ZNF644: variants seen among roughly 807,000 people sequenced by gnomAD.
The protein encoded by ZNF644 is zinc finger motif enhancer binding protein 2.
A neutral mutation model predicts 108.0 loss-of-function variants in ZNF644; 20 were observed. The observed-to-expected ratio is 0.19, with a 90% CI of 0.13 to 0.27. The LOEUF (loss-of-function observed/expected upper bound fraction) is 0.27. Among genes scored for constraint, ZNF644 ranks in the 10% least tolerant of loss-of-function variants. The probability of loss-of-function intolerance (pLI) is 1.00; values close to 1 mark genes in which losing one functional copy is unlikely to be tolerated. For missense variants in ZNF644, 1,338 were observed against 1,548.9 expected (o/e 0.86, Z 2.29); for synonymous variants, 542 against 539.1 (o/e 1.01, Z -0.08).
chr1:90,948,168 C>G (rs1652715401), intron 2 of ZNF644, among the ~76,000 whole-genome samples: 1 of 152,026 alleles, frequency 6.6e-6, no homozygotes, highest in Non-Finnish European at 1.5e-5. Context: ...AAAGAAATAA[C>G]AAAAGAATGG....
chr1:90,960,902 C>G (rs1485170879), intron 2 of ZNF644, among the ~76,000 whole-genome samples: 14 of 152,062 alleles, frequency 9.2e-5, no homozygotes, highest in Admixed American at 8.5e-4. Flanking sequence ...AAGAAAATAA[C>G]TGCCAACTCA....
intron 1 of ZNF644, among the ~76,000 whole-genome samples, chr1:90,996,476 G>A (rs1402063180): frequency 6.6e-6 from 1 of 152,120 alleles, no homozygotes; most frequent in Non-Finnish European, 1.5e-5. Context: ...CTCCCCCACA[G>A]TAGCTTTGAA....
At chr1:90,956,608 T>C (rs1316589115) in intron 2 of ZNF644, among the ~76,000 whole-genome samples, 1 of 147,342 alleles carries the variant, frequency 6.8e-6, no homozygotes, top group East Asian at 1.9e-4. Flanking sequence ...AAATTAGCCA[T>C]CTCACTTTAT....
At chr1:90,931,393 A>G (rs567179699) in intron 4 of ZNF644, among the ~76,000 whole-genome samples, 2 of 150,596 alleles carry the variant, frequency 1.3e-5, no homozygotes, top group South Asian at 4.2e-4. Flanking sequence ...AACCCCTACC[A>G]TTACTGCATT....
chr1:91,013,072 CT>C (rs1660106873), intron 1 of ZNF644, among the ~76,000 whole-genome samples: 1 of 151,848 alleles, frequency 6.6e-6, no homozygotes, highest in East Asian at 2.0e-4. Context: ...CAATATTTAT[CT>C]TTTTTCTTTT....
intron 1 of ZNF644, 120 bp from the exon 2 acceptor site, chr1:90,982,490 T>C: frequency 1.4e-6 from 1 of 698,018 alleles, no homozygotes; most frequent in Non-Finnish European, 2.4e-6. Flanking sequence ...TTTCTTGATA[T>C]AACATAAAAA....
At chr1:90,943,088 A>G (rs2100986268) in intron 2 of ZNF644, among the ~76,000 whole-genome samples, 1 of 152,308 alleles carries the variant, frequency 6.6e-6, no homozygotes, top group Admixed American at 6.5e-5. Flanking sequence ...TATTTCTACT[A>G]TCCTTTAAGG....
chr1:90,994,188 C>T (rs1485180709), intron 1 of ZNF644, among the ~76,000 whole-genome samples: 1 of 152,192 alleles, frequency 6.6e-6, no homozygotes, highest in Non-Finnish European at 1.5e-5. Context: ...CAGCCAGTGG[C>T]TATCTTTGCC....
rs557467991 is a variant in ZNF644 at position 90,998,308 on chromosome 1, A to G, written c.-17-15938T>C. 3.9e-5 allele frequency among the ~76,000 whole-genome samples: 6 copies of G among 152,318 alleles called. No individual in the cohort carries two copies. The East Asian group carries it at 1.2e-3, about 30-fold the overall frequency. On this transcript the variant is annotated intron_variant, in intron 1 of 5. Coordinates refer to ENST00000337393, the MANE Select transcript of ZNF644 (RefSeq NM_201269.3). ...GGGAGGCACCCACCACTAGGGGCAG[A>G]CTGACACCTCACACAGCCAGGTACC...
At chr1:90,953,988 G>A (rs1404392800) in intron 2 of ZNF644, among the ~76,000 whole-genome samples, 1 of 152,146 alleles carries the variant, frequency 6.6e-6, no homozygotes, top group Non-Finnish European at 1.5e-5. Context: ...ACAGTCATCT[G>A]AGCATTCAGT....
chr1:91,000,861 C>T (rs1205128906), intron 1 of ZNF644, among the ~76,000 whole-genome samples: 2 of 151,150 alleles, frequency 1.3e-5, no homozygotes, highest in Admixed American at 6.6e-5. Flanking sequence ...ATATCACCAC[C>T]GATCCCACAC....
chr1:91,002,904 T>G (rs1224893094), intron 1 of ZNF644, among the ~76,000 whole-genome samples: 1 of 152,118 alleles, frequency 6.6e-6, no homozygotes, highest in Non-Finnish European at 1.5e-5. Flanking sequence ...AGAAGACATT[T>G]ATGCAGCCAA....
At chr1:90,994,147 G>A (rs1657901584) in intron 1 of ZNF644, among the ~76,000 whole-genome samples, 1 of 152,166 alleles carries the variant, frequency 6.6e-6, no homozygotes, top group Non-Finnish European at 1.5e-5. Flanking sequence ...ATCCTCAGTG[G>A]AAACAGTTAT....
chr1:90,917,068 A>G, intron 5 of ZNF644, 78 bp from the exon 6 acceptor site: 1 of 1,420,472 alleles, frequency 7.0e-7, no homozygotes. Flanking sequence ...CCTAAAACAT[A>G]AGGAATAAAC....
intron 1 of ZNF644, among the ~76,000 whole-genome samples, chr1:90,982,828 A>C (rs1481619865): frequency 2.6e-5 from 4 of 152,144 alleles, no homozygotes; most frequent in African/African-American, 9.6e-5. Flanking sequence ...AGTATATAAC[A>C]AAGTAATTTG....
chr1:90,938,250 A>G lies in ZNF644; in HGVS notation c.3082+22T>C. On this transcript the variant is annotated intron_variant, in intron 3 of 5. Transcript: ENST00000337393. This position sits in a 1 kb window ranked among gnomAD's most constrained non-coding sequence, Gnocchi z 4.2. ...TTAGAACACAGACCTATCAGCCCAA[A>G]TCATCCCCATGGAGAACTTACCTTT... The G allele has an allele frequency of 1.2e-6, 2 of 1,613,952 alleles. No homozygotes were observed. Among genetic ancestry groups the G allele is most frequent in the South Asian group, 1.1e-5 (1 of 91,070 alleles).
At chr1:90,929,533 C>T (rs1650473802) in intron 4 of ZNF644, among the ~76,000 whole-genome samples, 1 of 152,172 alleles carries the variant, frequency 6.6e-6, no homozygotes, top group African/African-American at 2.4e-5. Flanking sequence ...TGAAAACATG[C>T]AATTTTTCAA....
chr1:91,002,318 T>C (rs1658930410), intron 1 of ZNF644, among the ~76,000 whole-genome samples: 1 of 152,152 alleles, frequency 6.6e-6, no homozygotes, highest in Admixed American at 6.5e-5. Flanking sequence ...ATGGTACTGG[T>C]ACCAAAACAG....
intron 2 of ZNF644, among the ~76,000 whole-genome samples, chr1:90,959,533 T>C (rs1654110075): frequency 6.6e-6 from 1 of 152,182 alleles, no homozygotes; most frequent in African/African-American, 2.4e-5. Context: ...AATTGCGGTA[T>C]ATCCATACAA....
Sources: gnomAD v4.1 joint callset for allele counts (sites outside exome capture counted in the v4.1 genomes callset) on GRCh38, gnomAD v4.1.1 for gene constraint, Gnocchi (gnomAD v3.1) non-coding constraint, MANE v1.5 for transcripts, NCBI Gene and HGNC (gene_info 2026-07-23, HGNC 2026-07-21) for gene names.